The following MCC variants were observed in gnomAD, a reference collection of about 807,000 sequenced individuals.
The protein encoded by MCC is MCC regulator of Wnt signaling pathway.
Under a neutral mutation model 116.2 loss-of-function variants are expected in MCC, and 90 were observed. The observed-to-expected ratio is 0.77, with a 90% confidence interval of 0.65 to 0.92. MCC has a LOEUF of 0.92. Among genes scored for constraint, MCC ranks in the 40% least tolerant of loss-of-function variants. MCC has a pLI of 0.00. For synonymous variants in MCC, 578 were observed against 510.5 expected (o/e 1.13, Z -1.78); for missense variants, 1,516 against 1,312.2 (o/e 1.16, Z -2.40).
intron 1 of MCC, among the ~76,000 whole-genome samples, chr5:113,394,606 T>C (rs1350569132): frequency 6.6e-6 from 1 of 152,214 alleles, no homozygotes; most frequent in African/African-American, 2.4e-5. Context: ...TTTGTCCCTC[T>C]GCTCAGAACA....
chr5:113,038,246 A>T (rs1751450561), intron 17 of MCC, among the ~76,000 whole-genome samples: 1 of 152,124 alleles, frequency 6.6e-6, no homozygotes, highest in Non-Finnish European at 1.5e-5. Flanking sequence ...GCTTTAGCAT[A>T]TTTGGGTGGA....
chr5:113,072,175 A>C (rs1754085052), intron 11 of MCC, among the ~76,000 whole-genome samples: 1 of 152,250 alleles, frequency 6.6e-6, no homozygotes, highest in Admixed American at 6.5e-5. Flanking sequence ...TCACACAAAC[A>C]AACTGCAAGT....
chr5:113,286,023 AAAC>A (rs1224929821), intron 3 of MCC, among the ~76,000 whole-genome samples: 1 of 152,260 alleles, frequency 6.6e-6, no homozygotes, highest in Non-Finnish European at 1.5e-5. Flanking sequence ...GATTTGGTCC[AAAC>A]AACAACTTCA....
chr5:113,206,674 A>C (rs190705304), intron 3 of MCC, among the ~76,000 whole-genome samples: 571 of 152,358 alleles, frequency 3.7e-3, no homozygotes, highest in Non-Finnish European at 6.0e-3. Flanking sequence ...GCACCACTGC[A>C]TTCCAGCCTG....
At chr5:113,207,809 C>G (rs557363460) in intron 3 of MCC, among the ~76,000 whole-genome samples, 2 of 152,264 alleles carry the variant, frequency 1.3e-5, no homozygotes, top group Admixed American at 1.3e-4. Flanking sequence ...AACCTATAAA[C>G]AGAACCTTAA....
At chr5:113,275,370 T>G (rs1765783425) in intron 3 of MCC, among the ~76,000 whole-genome samples, 1 of 152,174 alleles carries the variant, frequency 6.6e-6, no homozygotes, top group East Asian at 1.9e-4. Flanking sequence ...ACAGTTCAAT[T>G]TAGGAACTTC....
chr5:113,147,991 T>C (rs1399041407), intron 4 of MCC, among the ~76,000 whole-genome samples: 1 of 152,260 alleles, frequency 6.6e-6, no homozygotes, highest in Non-Finnish European at 1.5e-5. Flanking sequence ...GCTTACGAAG[T>C]ATTCCACATT....
At chr5:113,058,751 G>T (rs1026725394) in intron 14 of MCC, among the ~76,000 whole-genome samples, 1 of 152,184 alleles carries the variant, frequency 6.6e-6, no homozygotes, top group Non-Finnish European at 1.5e-5. Flanking sequence ...AATACTAAGG[G>T]TTCCTGCCTC....
chr5:113,081,659 G>C (rs1177301590), intron 11 of MCC, among the ~76,000 whole-genome samples: 1 of 152,180 alleles, frequency 6.6e-6, no homozygotes, highest in Non-Finnish European at 1.5e-5. Context: ...TCCCAGGGCA[G>C]TGATACTGAA....
chr5:113,162,038 A>T (rs1259580261), intron 3 of MCC, among the ~76,000 whole-genome samples: 3 of 152,126 alleles, frequency 2.0e-5, no homozygotes, highest in Non-Finnish European at 2.9e-5. Context: ...GAGGAGACAC[A>T]TTTCAAATCT....
chr5:113,252,301 G>A (rs575986026), intron 3 of MCC, among the ~76,000 whole-genome samples: 2 of 152,216 alleles, frequency 1.3e-5, no homozygotes, highest in African/African-American at 4.8e-5. Flanking sequence ...GGGTGGGCGA[G>A]TGAGAGAAGC....
At chr5:113,438,446 A>C (rs1051398497) in intron 1 of MCC, among the ~76,000 whole-genome samples, 1 of 152,170 alleles carries the variant, frequency 6.6e-6, no homozygotes, top group Non-Finnish European at 1.5e-5. Context: ...GAAGTTATCT[A>C]ATTTACCTAG....
intron 3 of MCC, among the ~76,000 whole-genome samples, chr5:113,201,476 T>C (rs1200293849): frequency 6.6e-6 from 1 of 151,572 alleles, no homozygotes; most frequent in Non-Finnish European, 1.5e-5. Context: ...CCAAGTCAGA[T>C]GAAGTCCTAA....
At chr5:113,427,404 T>C (rs1414507857) in intron 1 of MCC, among the ~76,000 whole-genome samples, 1 of 152,216 alleles carries the variant, frequency 6.6e-6, no homozygotes, top group Non-Finnish European at 1.5e-5. Flanking sequence ...AAACATACTG[T>C]TGACTTGTAA....
At chr5:113,095,183 C>A (rs1755929885) in intron 8 of MCC, among the ~76,000 whole-genome samples, 1 of 152,066 alleles carries the variant, frequency 6.6e-6, no homozygotes, top group Non-Finnish European at 1.5e-5. Flanking sequence ...GACATTTTAC[C>A]CACTGTTGGT....
chr5:113,152,102 G>A (rs1475614521), intron 3 of MCC, among the ~76,000 whole-genome samples: 1 of 152,178 alleles, frequency 6.6e-6, no homozygotes, highest in African/African-American at 2.4e-5. Context: ...GCTGTGAAAA[G>A]ACAAACCAAG....
At chr5:113,483,737 G>A (rs1050772402) in intron 1 of MCC, among the ~76,000 whole-genome samples, 5 of 152,058 alleles carry the variant, frequency 3.3e-5, no homozygotes, top group Admixed American at 6.5e-5. Flanking sequence ...AAAGACACAT[G>A]CACCTGTATG....
rs905204030 is a variant in MCC, at chr5:113,025,126, G to C, written c.*2176C>G. 6.6e-6 allele frequency: 1 copy of C among 152,080 alleles called. No individual in the cohort carries two copies. The highest frequency in any genetic ancestry group is 2.4e-5 in the African/African-American group (1 of 41,412). 9.4% of individuals were successfully genotyped at this position (152,080 alleles called of 1,614,324 possible). On this transcript the variant is annotated 3_prime_UTR_variant, in exon 19 of 19. Transcript: ENST00000408903. ...GCTTCAGCCACATGTTTCTGTGTCAGTGAAAATGAAAACTGCCCATTTGAT... is the reference window on the plus strand; with the variant it reads ...GCTTCAGCCACATGTTTCTGTGTCACTGAAAATGAAAACTGCCCATTTGAT...
At chr5:113,067,360 C>G (rs922041297) in intron 13 of MCC, among the ~76,000 whole-genome samples, 1 of 152,170 alleles carries the variant, frequency 6.6e-6, no homozygotes, top group Non-Finnish European at 1.5e-5. Context: ...TTCAAAACTA[C>G]TCAAAAGCCG....
Sources: allele counts gnomAD v4.1 joint callset (sites outside exome capture counted in the v4.1 genomes callset), GRCh38; gene constraint gnomAD v4.1.1; transcripts MANE v1.5; gene names NCBI Gene and HGNC (gene_info 2026-07-23, HGNC 2026-07-21).